USP25: variants seen among roughly 807,000 people sequenced by gnomAD.
The protein encoded by USP25 is ubiquitin carboxyl-terminal hydrolase 25.
Under a neutral mutation model 158.5 loss-of-function variants are expected in USP25, and 85 were observed. The ratio of observed to expected loss-of-function variants is 0.54; its 90% confidence interval spans 0.45 to 0.64. The LOEUF is 0.64. Among genes scored for constraint, USP25 ranks in the 30% least tolerant of loss-of-function variants. The pLI is 0.00. For missense variants in USP25, 1,242 were observed against 1,327.3 expected, an observed-to-expected ratio of 0.94 and a Z score of 1.00; for synonymous variants, 464 against 460.4, an observed-to-expected ratio of 1.01 and a Z score of -0.10.
chr21:15,832,467 TGTA>T (rs1214798941), intron 16 of USP25, among the ~76,000 whole-genome samples: 4 of 152,220 alleles, frequency 2.6e-5, no homozygotes, highest in Non-Finnish European at 5.9e-5. Context: ...TTTCTGTGTG[TGTA>T]GTAGAAGTTC....
chr21:15,794,101 A>T (rs756301088), intron 5 of USP25, among the ~76,000 whole-genome samples: 4 of 151,690 alleles, frequency 2.6e-5, no homozygotes, highest in South Asian at 2.1e-4. Context: ...ACTTAGTAGG[A>T]CTAATTTGAA....
intron 16 of USP25, among the ~76,000 whole-genome samples, chr21:15,832,741 G>A (rs1486020833): frequency 3.3e-5 from 5 of 151,978 alleles, no homozygotes; most frequent in Admixed American, 1.3e-4. Flanking sequence ...AAAAATGGCC[G>A]GGCGCGGTGG....
chr21:15,771,514 C>T (rs1205742221), intron 3 of USP25, among the ~76,000 whole-genome samples: 1 of 152,060 alleles, frequency 6.6e-6, no homozygotes, highest in Non-Finnish European at 1.5e-5. Flanking sequence ...AGTGTGCTGG[C>T]CCTCGAGATG....
intron 20 of USP25, among the ~76,000 whole-genome samples, chr21:15,852,968 A>T (rs1361632126): frequency 2.6e-5 from 4 of 152,128 alleles, no homozygotes; most frequent in African/African-American, 7.2e-5. Flanking sequence ...CACCTTAAAA[A>T]TTTTTTCGTA....
chr21:15,740,614 T>G (rs1473631684), intron 1 of USP25, among the ~76,000 whole-genome samples: 1 of 149,116 alleles, frequency 6.7e-6, no homozygotes, highest in African/African-American at 2.5e-5. Context: ...CATGCTAAAG[T>G]TGTAATCTTC....
intron 20 of USP25, among the ~76,000 whole-genome samples, chr21:15,851,593 GTGAT>G (rs2038891796): frequency 6.6e-6 from 1 of 151,950 alleles, no homozygotes; most frequent in Non-Finnish European, 1.5e-5. Context: ...TATGCTATAT[GTGAT>G]TGAGTTATAT....
At chr21:15,741,288 CT>C (rs35427982) in intron 1 of USP25, among the ~76,000 whole-genome samples, 11,790 of 139,600 alleles carry the variant, frequency 0.084, 485 homozygotes, top group East Asian at 0.12. Flanking sequence ...TTTTGATGTA[CT>C]TTTTTTTTTT....
intron 6 of USP25, among the ~76,000 whole-genome samples, chr21:15,803,089 G>T (rs978277730): frequency 1.3e-5 from 2 of 151,622 alleles, no homozygotes; most frequent in Admixed American, 1.3e-4. Flanking sequence ...ATAACCTGTG[G>T]TAGCCCTACA....
At chr21:15,813,983 CA>C (rs1009017738) in intron 9 of USP25, among the ~76,000 whole-genome samples, 14 of 151,418 alleles carry the variant, frequency 9.2e-5, no homozygotes, top group Non-Finnish European at 1.9e-4. Context: ...GGGAGGGACC[CA>C]GGGGGAGGTA....
chr21:15,799,841 A>G lies in USP25; in HGVS notation c.640A>G (p.Lys214Glu). The G allele has an allele frequency of 6.2e-7, 1 of 1,600,896 alleles. No homozygotes were observed. Among genetic ancestry groups the G allele is most frequent in the Middle Eastern group, 1.7e-4 (1 of 5,978 alleles). ...SNAQDLPRNQKEHRNLPFMRE... is the reference protein window; with the variant it reads ...SNAQDLPRNQEEHRNLPFMRE... ...TGCTCAAGATTTACCCCGAAACCAA[A>G]AGGTAAAATTCAAAAGATTTTTTTA... Residue 214 changes from lysine to glutamate, a missense_variant and splice_region_variant, in exon 6 of 26, where the codon AAG becomes GAG. By Grantham distance (56) the Lys-to-Glu change is moderately conservative. This residue lies in a region of USP25 where 627 missense variants were observed against 701.4 expected (regional missense o/e 0.89). Transcript: ENST00000400183.
At chr21:15,783,195 C>G (rs550926643) in intron 4 of USP25, among the ~76,000 whole-genome samples, 1 of 149,388 alleles carries the variant, frequency 6.7e-6, no homozygotes, top group African/African-American at 2.5e-5. Context: ...TTGAAATAAC[C>G]CATTCAGAAG....
chr21:15,872,014 GTTTT>G (rs1158862222), intron 23 of USP25, among the ~76,000 whole-genome samples: 25 of 71,640 alleles, frequency 3.5e-4, no homozygotes, highest in African/African-American at 1.0e-3. Context: ...AAGAAATACT[GTTTT>G]TTTTTTTTTT....
At chr21:15,849,901 T>C in intron 20 of USP25, 29 bp downstream of exon 20, 2 of 1,423,420 alleles carry the variant, frequency 1.4e-6, no homozygotes, top group Non-Finnish European at 1.9e-6. Flanking sequence ...TTTTCGTGTC[T>C]TTTCTTTTTC....
chr21:15,744,502 C>T (rs148204509), intron 1 of USP25, among the ~76,000 whole-genome samples: 364 of 151,904 alleles, frequency 2.4e-3, no homozygotes, highest in African/African-American at 8.2e-3. Flanking sequence ...ATTTTTATGA[C>T]GGGGTTTTGC....
At chr21:15,863,683 CAT>C (rs1418100819) in intron 20 of USP25, among the ~76,000 whole-genome samples, 3 of 152,164 alleles carry the variant, frequency 2.0e-5, no homozygotes, top group Non-Finnish European at 4.4e-5. Context: ...TAAGTTTAGA[CAT>C]ATTTTACCGC....
Position 15,805,277 on chromosome 21 carries a change from C to T in USP25, c.780+19C>T, listed in dbSNP as rs202138454. On this transcript the variant is annotated intron_variant, in intron 7 of 25. Transcript: ENST00000400183. ...ACAGCAGGTAGTTCTGTTGCACTGA[C>T]TTGTTCATTAACCATTTGTATTTAA... 6.4e-7 allele frequency: 1 copy of T among 1,568,688 alleles called. No individual in the cohort carries two copies. Among genetic ancestry groups the T allele is most frequent in the African/African-American group, 1.4e-5 (1 of 72,316 alleles).
intron 1 of USP25, among the ~76,000 whole-genome samples, chr21:15,741,135 T>C (rs901794669): frequency 6.6e-6 from 1 of 151,900 alleles, no homozygotes; most frequent in Non-Finnish European, 1.5e-5. Context: ...ATACCAAATT[T>C]TTTTTTTTTC....
At chr21:15,736,996 C>A (rs2123179704) in intron 1 of USP25, among the ~76,000 whole-genome samples, 1 of 150,904 alleles carries the variant, frequency 6.6e-6, no homozygotes, top group East Asian at 1.9e-4. Flanking sequence ...TCAGAAATTT[C>A]ACTTGCGTGT....
intron 9 of USP25, among the ~76,000 whole-genome samples, chr21:15,812,191 C>CTTA (rs1162123945): frequency 6.6e-6 from 1 of 151,186 alleles, no homozygotes; most frequent in African/African-American, 2.4e-5. Context: ...AGTACATTTA[C>CTTA]GTTGGGTCAT....
Sources: gnomAD v4.1 joint callset for allele counts (sites outside exome capture counted in the v4.1 genomes callset) on GRCh38, gnomAD v4.1.1 for gene constraint, gnomAD v4.1.1 regional missense constraint, MANE v1.5 for transcripts, NCBI Gene and HGNC (gene_info 2026-07-23, HGNC 2026-07-21) for gene names.